Variants in GUCY1A2 observed in about 807,000 individuals in gnomAD.
GUCY1A2 encodes guanylate cyclase 1 soluble subunit alpha 2.
In GUCY1A2, 27 loss-of-function variants were observed where a neutral mutation model predicts 63.5. The ratio of observed to expected loss-of-function variants is 0.43; its 90% confidence interval spans 0.31 to 0.59. The LOEUF (loss-of-function observed/expected upper bound fraction) is 0.59. Ranked by LOEUF, GUCY1A2 falls within the 20% of genes least tolerant of loss-of-function variation. The pLI is 0.11. For missense variants in GUCY1A2, 768 were observed against 913.3 expected, an observed-to-expected ratio of 0.84 and a Z score of 2.05; for synonymous variants, 364 against 343.5, an observed-to-expected ratio of 1.06 and a Z score of -0.66.
intron 4 of GUCY1A2, among the ~76,000 whole-genome samples, chr11:106,880,720 A>G (rs2135471180): frequency 6.6e-6 from 1 of 152,236 alleles, no homozygotes; most frequent in Non-Finnish European, 1.5e-5. Context: ...TCTTTACTGT[A>G]GGGTTTCTCA....
At chr11:106,864,886 T>C (rs923489396) in intron 4 of GUCY1A2, among the ~76,000 whole-genome samples, 6 of 152,082 alleles carry the variant, frequency 3.9e-5, no homozygotes, top group African/African-American at 1.2e-4. Context: ...TCTTTTTTTG[T>C]TGTGTCTCTG....
At chr11:106,750,657 A>G (rs1167425063) in intron 6 of GUCY1A2, among the ~76,000 whole-genome samples, 1 of 152,084 alleles carries the variant, frequency 6.6e-6, no homozygotes, top group Non-Finnish European at 1.5e-5. Flanking sequence ...TCTAAATAAG[A>G]AAGATATTTG....
At chr11:106,929,703 T>C (rs1400673834) in intron 4 of GUCY1A2, among the ~76,000 whole-genome samples, 1 of 152,276 alleles carries the variant, frequency 6.6e-6, no homozygotes, top group South Asian at 2.1e-4. Context: ...AAGTATTATA[T>C]AGACCTTTAT....
chr11:106,697,210 C>T (rs1342441364), intron 7 of GUCY1A2, among the ~76,000 whole-genome samples: 3 of 152,140 alleles, frequency 2.0e-5, no homozygotes, highest in Non-Finnish European at 4.4e-5. Context: ...GATTACAAAG[C>T]AATTTTGATT....
Position 106,900,670 on chromosome 11 carries a change from G to A in GUCY1A2, c.1206+38790C>T, listed in dbSNP as rs144869603. On this transcript the variant is annotated intron_variant, in intron 4 of 7. Coordinates refer to ENST00000526355, the MANE Select transcript of GUCY1A2 (RefSeq NM_000855.3). The stretch of plus-strand genomic sequence containing the variant: ...TGTACAGGCATAGCTCAGAGATATT[G>A]TAAGTTAGGTTCCTGAATACTAAAA... Among the ~76,000 whole-genome samples the A allele has an allele frequency of 2.8e-3, 424 of 152,170 alleles. 1 individual carries two copies. Among genetic ancestry groups the A allele is most frequent in the African/African-American group, 9.6e-3 (399 of 41,510 alleles).
At chr11:106,828,275 C>T (rs1368809528) in intron 4 of GUCY1A2, among the ~76,000 whole-genome samples, 2 of 143,346 alleles carry the variant, frequency 1.4e-5, no homozygotes, top group Non-Finnish European at 1.5e-5. Context: ...TTGACTAGGC[C>T]CATGTTCAGA....
chr11:107,002,779 A>T (rs1253621841), intron 1 of GUCY1A2, among the ~76,000 whole-genome samples: 3 of 152,186 alleles, frequency 2.0e-5, no homozygotes, highest in Non-Finnish European at 4.4e-5. Context: ...ATTGCATGGC[A>T]ATTTAAATGT....
intron 4 of GUCY1A2, among the ~76,000 whole-genome samples, chr11:106,850,787 G>A (rs746651417): frequency 4.6e-5 from 7 of 151,718 alleles, no homozygotes; most frequent in African/African-American, 1.5e-4. Context: ...ATTGTAAATC[G>A]TGCTGTAATA....
intron 4 of GUCY1A2, among the ~76,000 whole-genome samples, chr11:106,876,314 G>A (rs1859747863): frequency 6.6e-6 from 1 of 151,936 alleles, no homozygotes; most frequent in Non-Finnish European, 1.5e-5. Context: ...AAAAACCACT[G>A]ACTGACAAGG....
chr11:106,718,318 G>A (rs1863252810), intron 6 of GUCY1A2, among the ~76,000 whole-genome samples: 1 of 152,042 alleles, frequency 6.6e-6, no homozygotes, highest in Admixed American at 6.6e-5. Flanking sequence ...TTACAGTTGG[G>A]GAAGAAAGTG....
chr11:106,907,578 C>A (rs2119850318), intron 4 of GUCY1A2, among the ~76,000 whole-genome samples: 1 of 151,986 alleles, frequency 6.6e-6, no homozygotes. Flanking sequence ...ACAACAGTCC[C>A]CAGAGTGTGA....
At chr11:106,949,927 T>A (rs1340977601) in intron 3 of GUCY1A2, among the ~76,000 whole-genome samples, 1 of 152,146 alleles carries the variant, frequency 6.6e-6, no homozygotes, top group African/African-American at 2.4e-5. Context: ...AACAAATACA[T>A]CTGGATGTGA....
At chr11:106,704,010 G>C (rs1862863082) in intron 7 of GUCY1A2, among the ~76,000 whole-genome samples, 1 of 151,972 alleles carries the variant, frequency 6.6e-6, no homozygotes, top group South Asian at 2.1e-4. Flanking sequence ...CTATGATTTA[G>C]ACAGTCATCA....
rs1862334100 is a variant in GUCY1A2, at chr11:106,675,700, T to C, written c.*11849A>G. On this transcript the variant is annotated 3_prime_UTR_variant, in exon 8 of 8. Coordinates refer to ENST00000526355, the MANE Select transcript of GUCY1A2 (RefSeq NM_000855.3). ...CACATTTCTTTATCTGAACAAGTATTAAGATTGTCCATCATTTCAAGACAA... is the reference window on the plus strand; with the variant it reads ...CACATTTCTTTATCTGAACAAGTATCAAGATTGTCCATCATTTCAAGACAA... 5.3e-6 allele frequency: 1 copy of C among 189,386 alleles called. No individual in the cohort carries two copies. The highest frequency in any genetic ancestry group is 1.1e-5 in the Non-Finnish European group (1 of 90,560). The allele number at this position is 189,386 out of a possible 1,614,324, so 11.7% of individuals were successfully genotyped here.
chr11:107,018,306 CCGCCGCCGCCTCTGCTGCTGCTCGCG>C lies in GUCY1A2; in HGVS notation c.-277_-252del, dbSNP rs1042983489. 6.9e-6 allele frequency: 1 copy of C among 145,764 alleles called. No individual in the cohort carries two copies. The highest frequency in any genetic ancestry group is 2.5e-5 in the African/African-American group (1 of 40,610). The allele number at this position is 145,764 out of a possible 1,614,324, so 9.0% of individuals were successfully genotyped here. ...CGGCGGCGCCGGGCTGGGCTGGGGG[CCGCCGCCGCCTCTGCTGCTGCTCGCG>C]CGGCGCCGCCTCAGCGCCCGCCTCG... On this transcript the variant is annotated 5_prime_UTR_variant, in exon 1 of 8. Coordinates refer to ENST00000526355, the MANE Select transcript of GUCY1A2 (RefSeq NM_000855.3).
At chr11:106,712,979 C>A (rs1863146741) in intron 6 of GUCY1A2, among the ~76,000 whole-genome samples, 1 of 152,128 alleles carries the variant, frequency 6.6e-6, no homozygotes, top group Non-Finnish European at 1.5e-5. Flanking sequence ...GGTCTTTTTG[C>A]AACTCTTACT....
At chr11:106,873,717 T>C (rs1234848106) in intron 4 of GUCY1A2, among the ~76,000 whole-genome samples, 1 of 152,192 alleles carries the variant, frequency 6.6e-6, no homozygotes, top group Non-Finnish European at 1.5e-5. Flanking sequence ...ATTCCGTAGG[T>C]TGCCCGTTCA....
intron 4 of GUCY1A2, among the ~76,000 whole-genome samples, chr11:106,920,472 A>C (rs543560313): frequency 9.9e-5 from 15 of 152,258 alleles, no homozygotes; most frequent in African/African-American, 3.6e-4. Flanking sequence ...CATTCCACCA[A>C]CTCAAAATTT....
intron 4 of GUCY1A2, among the ~76,000 whole-genome samples, chr11:106,875,816 TC>T (rs1859740826): frequency 6.6e-6 from 1 of 152,104 alleles, no homozygotes; most frequent in Admixed American, 6.6e-5. Context: ...ATATTTTATA[TC>T]TTTTTTTATA....
Sources: gnomAD v4.1 joint callset for allele counts (sites outside exome capture counted in the v4.1 genomes callset) on GRCh38, gnomAD v4.1.1 for gene constraint, MANE v1.5 for transcripts, NCBI Gene and HGNC (gene_info 2026-07-23, HGNC 2026-07-21) for gene names.